CD209: variants seen among roughly 807,000 people sequenced by gnomAD.
The protein encoded by CD209 is CD209 molecule, also known as CD209 antigen.
In CD209, 31 loss-of-function variants were observed where a neutral mutation model predicts 44.7. The observed-to-expected ratio is 0.69, with a 90% CI of 0.52 to 0.94. The LOEUF (loss-of-function observed/expected upper bound fraction) is 0.94, where lower values mean the gene tolerates loss of function less well. Ranked by LOEUF, CD209 falls within the 40% of genes least tolerant of loss-of-function variation. CD209 has a pLI of 0.00. For missense variants in CD209, 407 were observed against 452.4 expected (o/e 0.90, Z 0.91); for synonymous variants, 173 against 181.3 (o/e 0.95, Z 0.37).
chr19:7,743,085 T>A lies in CD209; in HGVS notation c.1169A>T (p.Gln390Leu). The change falls in exon 7 of 7, where the codon CAG (glutamine) becomes CTG (leucine). Residue 390 changes from glutamine (Q) to leucine (L), a missense_variant. Physicochemically the swap from Gln to Leu is moderately radical, Grantham distance 113. Transcript: ENST00000315599. ...SAASCSRDEEQFLSPAPATPN... is the reference protein window; with the variant it reads ...SAASCSRDEELFLSPAPATPN... Reference sequence around the variant, plus strand: ...GGTGGCAGGGGCTGGAGAAAGAAACTGTTCTTCATCCCTGGAGCAGGAGGC... The same window carrying A: ...GGTGGCAGGGGCTGGAGAAAGAAACAGTTCTTCATCCCTGGAGCAGGAGGC... 1 of 1,614,170 alleles carries A rather than the reference T, an allele frequency of 6.2e-7. No homozygotes were observed. The highest frequency in any genetic ancestry group is 8.5e-7 in the Non-Finnish European group (1 of 1,180,002).
At chr19:7,746,733 C>T (rs1457539547) in intron 2 of CD209, among the ~76,000 whole-genome samples, 3 of 151,032 alleles carry the variant, frequency 2.0e-5, no homozygotes, top group African/African-American at 4.9e-5. Context: ...TTCCCCAGGT[C>T]CCAGGAACCA....
intron 2 of CD209, 54 bp downstream of exon 2, chr19:7,747,252 C>A: frequency 6.3e-7 from 1 of 1,584,852 alleles, no homozygotes; most frequent in Non-Finnish European, 8.7e-7. Context: ...TCCTCAGGAC[C>A]CAGGAGTCCA....
Position 7,741,763 on chromosome 19 carries a change from T to G in CD209, c.*1276A>C. ...CAAGAGGAAAACACTGCAACTTTCT[T>G]CAGGTGTTGAGAAATCCAATAGAGA... On this transcript the variant is annotated 3_prime_UTR_variant, in exon 7 of 7. Coordinates refer to ENST00000315599, the MANE Select transcript of CD209 (RefSeq NM_021155.4). 1.8e-6 allele frequency: 1 copy of G among 552,762 alleles called. No homozygotes were observed. The highest frequency in any genetic ancestry group is 3.5e-6 in the Non-Finnish European group (1 of 284,136). 34.2% of individuals were successfully genotyped at this position (552,762 alleles called of 1,614,324 possible).
In CD209 at chr19:7,742,495, A is replaced by G. The variant is rs2033647361; in HGVS notation, c.*544T>C. 1 of 154,168 alleles carries G rather than the reference A, an allele frequency of 6.5e-6. No individual in the cohort carries two copies. Among genetic ancestry groups the G allele is most frequent in the Non-Finnish European group, 1.4e-5 (1 of 69,332 alleles). The allele number at this position is 154,168 out of a possible 1,614,324, so 9.6% of individuals were successfully genotyped here. Reference sequence around the variant, plus strand: ...TAATAATAATAAAATAAAGAATACAACTTAGAAACAGCCAAATGGAAGCCA... The same window carrying G: ...TAATAATAATAAAATAAAGAATACAGCTTAGAAACAGCCAAATGGAAGCCA... On this transcript the variant is annotated 3_prime_UTR_variant, in exon 7 of 7. Transcript: ENST00000315599.
intron 6 of CD209, 87 bp from the exon 7 acceptor site, chr19:7,743,327 A>G: frequency 2.6e-6 from 3 of 1,147,520 alleles, no homozygotes; most frequent in Non-Finnish European, 3.9e-6. Flanking sequence ...ATGCCTTAAC[A>G]TCTGCCCTGC....
Position 7,747,043 on chromosome 19 carries a change from C to A in CD209, c.106+263G>T, listed in dbSNP as rs550647118. ...CCTCTCCAGGACCCAGGAGTCTAGGCCCCTGACCCCACCTCCCCAGGACCC... is the reference window on the plus strand; with the variant it reads ...CCTCTCCAGGACCCAGGAGTCTAGGACCCTGACCCCACCTCCCCAGGACCC... On this transcript the variant is annotated intron_variant, in intron 2 of 6. Transcript: ENST00000315599. 1.3e-5 allele frequency among the ~76,000 whole-genome samples: 2 copies of A among 150,666 alleles called. 1 individual carries two copies. Among genetic ancestry groups the A allele is most frequent in the Non-Finnish European group, 3.0e-5 (2 of 67,596 alleles).
chr19:7,743,778 T>C (rs192650157), intron 6 of CD209, among the ~76,000 whole-genome samples: 2 of 152,266 alleles, frequency 1.3e-5, no homozygotes, highest in Admixed American at 1.3e-4. Flanking sequence ...GTGTCCTCTC[T>C]CTAGGGATCT....
Position 7,741,491 on chromosome 19 carries a change from T to A in CD209, c.*1548A>T. 1.5e-4 allele frequency: 72 copies of A among 493,974 alleles called. No individual in the cohort carries two copies. Among genetic ancestry groups the A allele is most frequent in the Middle Eastern group, 3.2e-4 (1 of 3,092 alleles). 30.6% of individuals were successfully genotyped at this position (493,974 alleles called of 1,614,324 possible). A position where few individuals can be genotyped will look rare whatever the true frequency, so the allele number is the denominator to read the frequency against. ...TGGCGACAGAGCAAGACCCCATCTT[T>A]AAAAAAAAATAGTAATTAAAAAATA... On this transcript the variant is annotated 3_prime_UTR_variant, in exon 7 of 7. Transcript: ENST00000315599.
intron 6 of CD209, 35 bp from the exon 7 acceptor site, chr19:7,743,275 C>T (rs372037869): frequency 1.7e-4 from 263 of 1,569,028 alleles, no homozygotes; most frequent in Non-Finnish European, 2.2e-4. Flanking sequence ...GCCTCTGTCC[C>T]CGCCAGCTAC....
At chr19:7,746,941 C>G (rs758084148) in intron 2 of CD209, among the ~76,000 whole-genome samples, 6 of 151,672 alleles carry the variant, frequency 4.0e-5, no homozygotes, top group Non-Finnish European at 8.8e-5. Context: ...GTCCCAGCCC[C>G]TACATCCCCA....
At position 7,740,586 on chromosome 19, in the gene CD209, C is replaced by T; in HGVS notation, c.*2453G>A. 1 of 847,966 alleles carries T rather than the reference C, an allele frequency of 1.2e-6. No individual in the cohort carries two copies. Among genetic ancestry groups the T allele is most frequent in the Non-Finnish European group, 2.1e-6 (1 of 483,210 alleles). 52.5% of individuals were successfully genotyped at this position (847,966 alleles called of 1,614,324 possible). A position where few individuals can be genotyped will look rare whatever the true frequency, so the allele number is the denominator to read the frequency against. On this transcript the variant is annotated 3_prime_UTR_variant, in exon 7 of 7. Coordinates refer to ENST00000315599, the MANE Select transcript of CD209 (RefSeq NM_021155.4). ...TCCACTGAGGGACTCAGGACTCTCA[C>T]AGAAAGAGGAGGACACTTTTATTGA...
At chr19:7,743,407 T>G (rs968772540) in intron 6 of CD209, among the ~76,000 whole-genome samples, 167 bp from the exon 7 acceptor site, 2 of 152,158 alleles carry the variant, frequency 1.3e-5, no homozygotes, top group African/African-American at 4.8e-5. Flanking sequence ...CTTGAGTTCC[T>G]GCCTCTCTTC....
At position 7,743,010 on chromosome 19, in the gene CD209, A is replaced by G. The variant is rs376163704; in HGVS notation, c.*29T>C. 8.5e-6 allele frequency: 13 copies of G among 1,520,664 alleles called. No homozygotes were observed. In the African/African-American group the frequency reaches 1.4e-4, roughly 16 times the overall value. 94.2% of individuals were successfully genotyped at this position (1,520,664 alleles called of 1,614,324 possible). ...GAAGGTCGAAGGATGGAGAGAAGGA[A>G]CTGTAGCTTAAAAGGGGGTGAAGTT... On this transcript the variant is annotated 3_prime_UTR_variant, in exon 7 of 7. Coordinates refer to ENST00000315599, the MANE Select transcript of CD209 (RefSeq NM_021155.4).
Position 7,743,121 on chromosome 19 carries a change from T to C in CD209, c.1133A>G (p.Lys378Arg). 3 of 1,614,196 alleles carry C rather than the reference T, an allele frequency of 1.9e-6. No homozygotes were observed. The highest frequency in any genetic ancestry group is 2.5e-6 in the Non-Finnish European group (3 of 1,180,028). Residue 378 changes from lysine to arginine, a missense_variant, in exon 7 of 7, where the codon AAA becomes AGA. Physicochemically the swap from Lys to Arg is conservative, Grantham distance 26 (BLOSUM62 2). Coordinates refer to ENST00000315599, the MANE Select transcript of CD209 (RefSeq NM_021155.4). ...CCTGGAGCAGGAGGCTGCGGACTTT[T>C]TGCAGATCCAGAATTTGGCAAGATT... ...KCNLAKFWICKKSAASCSRDE... is the reference protein window; with the variant it reads ...KCNLAKFWICRKSAASCSRDE...
At position 7,745,103 on chromosome 19, in the gene CD209, A is replaced by T. The variant is rs1396573167; in HGVS notation, c.749-11T>A. 6.2e-7 allele frequency: 1 copy of T among 1,614,010 alleles called. No individual in the cohort carries two copies. The highest frequency in any genetic ancestry group is 8.5e-7 in the Non-Finnish European group (1 of 1,179,968). ...GGTGGCACAGGCGTTCTGTTGGGGG[A>T]GGCTGGTCAGGGCTGGGCTTAGATT... On this transcript the variant is annotated splice_polypyrimidine_tract_variant and intron_variant, in intron 4 of 6. Coordinates refer to ENST00000315599, the MANE Select transcript of CD209 (RefSeq NM_021155.4).
chr19:7,743,362 T>C, intron 6 of CD209, 122 bp from the exon 7 acceptor site: 1 of 834,296 alleles, frequency 1.2e-6, no homozygotes, highest in South Asian at 1.5e-5. Flanking sequence ...CTTGAATCCC[T>C]CTGCATACCT....
chr19:7,745,274 C>A (rs1396688410), intron 4 of CD209, among the ~76,000 whole-genome samples, 182 bp from the exon 5 acceptor site: 1 of 152,152 alleles, frequency 6.6e-6, no homozygotes, highest in Non-Finnish European at 1.5e-5. Context: ...AGTCCTGGCC[C>A]CATCTCCTCC....
At position 7,740,096 on chromosome 19, in the gene CD209, AGAGGGTAGT is replaced by A. The variant is rs2033563357; in HGVS notation, c.*2934_*2942del. ...GGAGGCTGGGGCAGATTTTATATAC[AGAGGGTAGT>A]GAGGCATGATATGATTGGATCTTGT... On this transcript the variant is annotated 3_prime_UTR_variant, in exon 7 of 7. Coordinates refer to ENST00000315599, the MANE Select transcript of CD209 (RefSeq NM_021155.4). The A allele has an allele frequency of 6.3e-6, 1 of 159,144 alleles. No individual in the cohort carries two copies. The highest frequency in any genetic ancestry group is 1.4e-5 in the Non-Finnish European group (1 of 72,388). 9.9% of individuals were successfully genotyped at this position (159,144 alleles called of 1,614,324 possible). A position where few individuals can be genotyped will look rare whatever the true frequency, so the allele number is the denominator to read the frequency against.
Position 7,742,939 on chromosome 19 carries a change from T to A in CD209, c.*100A>T, listed in dbSNP as rs1194921987. 1 of 993,856 alleles carries A rather than the reference T, an allele frequency of 1.0e-6. No homozygotes were observed. Among genetic ancestry groups the A allele is most frequent in the Non-Finnish European group, 1.6e-6 (1 of 639,672 alleles). The allele number at this position is 993,856 out of a possible 1,614,324, so 61.6% of individuals were successfully genotyped here. ...AGAAGGACAGAATGGGACCCAGCCT[T>A]CTAAAGGAGGAAGAATCTGACAAAG... On this transcript the variant is annotated 3_prime_UTR_variant, in exon 7 of 7. Coordinates refer to ENST00000315599, the MANE Select transcript of CD209 (RefSeq NM_021155.4).
Sources: gnomAD v4.1 joint callset for allele counts (sites outside exome capture counted in the v4.1 genomes callset) on GRCh38, gnomAD v4.1.1 for gene constraint, MANE v1.5 for transcripts, NCBI Gene and HGNC (gene_info 2026-07-23, HGNC 2026-07-21) for gene names.